The following DGKH variants were observed in gnomAD, a reference collection of about 807,000 sequenced individuals.
The protein encoded by DGKH is DAG kinase eta.
DGKH carries 90 observed loss-of-function variants against 159.3 expected under a neutral mutation model. The observed-to-expected ratio is 0.57, with a 90% CI of 0.48 to 0.67. The LOEUF is 0.67. Among genes scored for constraint, DGKH ranks in the 30% least tolerant of loss-of-function variants. The pLI, the probability that DGKH is intolerant of heterozygous loss-of-function variation, is 0.00. For missense variants in DGKH, 1,181 were observed against 1,506.1 expected (o/e 0.78, Z 3.57); for synonymous variants, 536 against 553.8 (o/e 0.97, Z 0.45).
At chr13:42,215,158 GT>G (rs201405435) in intron 25 of DGKH, among the ~76,000 whole-genome samples, 108 of 147,442 alleles carry the variant, frequency 7.3e-4, no homozygotes, top group East Asian at 2.6e-3. Context: ...AACTGATAGC[GT>G]TTTTTTTTTT....
At chr13:42,065,897 A>C (rs979110233) in intron 1 of DGKH, among the ~76,000 whole-genome samples, 1 of 152,182 alleles carries the variant, frequency 6.6e-6, no homozygotes, top group African/African-American at 2.4e-5. Flanking sequence ...ATAAAACATT[A>C]AAATTATTAT....
At position 42,146,548 on chromosome 13, in the gene DGKH, A is replaced by T. The variant is rs572354927; in HGVS notation, c.385-8743A>T. 4.6e-5 allele frequency among the ~76,000 whole-genome samples: 7 copies of T among 152,362 alleles called. No homozygotes were observed. The South Asian group carries it at 1.0e-3, about 23-fold the overall frequency. ...AGAGACCCGTTGGAGTAGATTGTGA[A>T]ATATATCATGCAATGGAATGTTATG... On this transcript the variant is annotated intron_variant, in intron 3 of 29. Coordinates refer to ENST00000337343, the MANE Select transcript of DGKH (RefSeq NM_178009.5).
At position 42,189,318 on chromosome 13, in the gene DGKH, T is replaced by C. The variant is rs1460969194; in HGVS notation, c.1912+9T>C. On this transcript the variant is annotated intron_variant, in intron 15 of 29. Coordinates refer to ENST00000337343, the MANE Select transcript of DGKH (RefSeq NM_178009.5). ...TGAGGAAGCCGGAAAAGGTACACAT[T>C]AACAAATTTAGCTTTGGAAGAAGTT... 1.2e-6 allele frequency: 2 copies of C among 1,612,902 alleles called. No individual in the cohort carries two copies. Among genetic ancestry groups the C allele is most frequent in the Non-Finnish European group, 1.7e-6 (2 of 1,179,072 alleles).
intron 29 of DGKH, among the ~76,000 whole-genome samples, chr13:42,223,986 C>T (rs1958054027): frequency 6.6e-6 from 1 of 152,160 alleles, no homozygotes; most frequent in African/African-American, 2.4e-5. Flanking sequence ...TGAGTGAGAA[C>T]ATGCAATGTT....
chr13:42,125,048 A>G (rs1955143829), intron 1 of DGKH, among the ~76,000 whole-genome samples: 1 of 152,180 alleles, frequency 6.6e-6, no homozygotes, highest in African/African-American at 2.4e-5. Context: ...CGTGGCTGCC[A>G]TTTGAATCGC....
At chr13:42,116,974 G>T (rs1447440576) in intron 1 of DGKH, among the ~76,000 whole-genome samples, 1 of 152,006 alleles carries the variant, frequency 6.6e-6, no homozygotes, top group Non-Finnish European at 1.5e-5. Flanking sequence ...TTTAAACTAG[G>T]TTATTGGATT....
chr13:42,155,939 A>C (rs987111818), intron 5 of DGKH, 140 bp downstream of exon 5: 5 of 1,014,590 alleles, frequency 4.9e-6, no homozygotes, highest in African/African-American at 3.2e-5. Flanking sequence ...GGAAAAAAAA[A>C]CATAGTCATT....
At chr13:42,244,765 G>A (rs1413105830), downstream of DGKH, among the ~76,000 whole-genome samples, 1 of 150,632 alleles carries the variant, frequency 6.6e-6, no homozygotes, top group African/African-American at 2.4e-5. Flanking sequence ...TTAGCCGGGC[G>A]TAGTGGCGGG....
intron 1 of DGKH, among the ~76,000 whole-genome samples, chr13:42,096,693 A>G (rs1954544592): frequency 6.6e-6 from 1 of 152,246 alleles, no homozygotes; most frequent in African/African-American, 2.4e-5. Context: ...TGGAATTGGC[A>G]AAGATGAATA....
At chr13:42,182,643 AAAC>A (rs1171703410) in intron 13 of DGKH, among the ~76,000 whole-genome samples, 1 of 152,234 alleles carries the variant, frequency 6.6e-6, no homozygotes, top group Non-Finnish European at 1.5e-5. Flanking sequence ...AGTGTAGACA[AAAC>A]AATCTGTTTT....
rs138779168 is a variant in DGKH at position 42,064,468 on chromosome 13, C to T, written c.192+15503C>T. On this transcript the variant is annotated intron_variant, in intron 1 of 29. Coordinates refer to ENST00000337343, the MANE Select transcript of DGKH (RefSeq NM_178009.5). ...GGAGGACAGGGTCAAACCACTGTTG[C>T]GGTTTGTCTGTGTGTGCCAGGAAAA... 7.2e-3 allele frequency among the ~76,000 whole-genome samples: 1,095 copies of T among 151,964 alleles called. 11 individuals are homozygous for T. The highest frequency in any genetic ancestry group is 0.025 in the African/African-American group (1,048 of 41,428).
chr13:42,044,585 G>A (rs1213459280), upstream of DGKH, among the ~76,000 whole-genome samples: 2 of 152,114 alleles, frequency 1.3e-5, no homozygotes, highest in African/African-American at 2.4e-5. Context: ...CACTGCGCCC[G>A]CCCCAGCACT....
chr13:42,134,393 C>T (rs568142905), intron 3 of DGKH, among the ~76,000 whole-genome samples: 2 of 152,312 alleles, frequency 1.3e-5, no homozygotes, highest in African/African-American at 4.8e-5. Flanking sequence ...ACTCCCATCT[C>T]TGGAGTTAAT....
At chr13:42,215,741 G>A (rs1957774483) in intron 26 of DGKH, 74 bp downstream of exon 26, 3 of 1,329,288 alleles carry the variant, frequency 2.3e-6, no homozygotes, top group Non-Finnish European at 3.1e-6. Flanking sequence ...TGGGGAACAG[G>A]CATTTGGCAG....
At chr13:42,166,450 ATGTT>A (rs1956317550) in intron 8 of DGKH, 61 bp from the exon 9 acceptor site, 1 of 1,311,918 alleles carries the variant, frequency 7.6e-7, no homozygotes, top group Admixed American at 2.9e-5. Context: ...TTTTCTCTGA[ATGTT>A]TGCTAATAAT....
chr13:42,226,833 A>G (rs1667560), intron 29 of DGKH, among the ~76,000 whole-genome samples: 145,521 of 150,852 alleles, frequency 0.96, 70,238 homozygotes, highest in East Asian at 1. Flanking sequence ...CTCCAGCCCA[A>G]GCGACAGTAT....
chr13:42,065,387 A>C (rs935577293), intron 1 of DGKH, among the ~76,000 whole-genome samples: 1 of 152,222 alleles, frequency 6.6e-6, no homozygotes, highest in Non-Finnish European at 1.5e-5. Context: ...CTACCTTATC[A>C]TCATTCATGG....
chr13:42,244,858 C>T (rs1345330549), downstream of DGKH, among the ~76,000 whole-genome samples: 3 of 126,118 alleles, frequency 2.4e-5, no homozygotes, highest in African/African-American at 9.1e-5. Flanking sequence ...GAGCCGAGAT[C>T]CCGCCACTGC....
intron 1 of DGKH, chr13:42,068,811 A>G: frequency 2.2e-6 from 1 of 444,814 alleles, no homozygotes; most frequent in Non-Finnish European, 3.9e-6. Context: ...AAAACCAAGT[A>G]CTCATAAAAT....
Sources: allele counts gnomAD v4.1 joint callset (sites outside exome capture counted in the v4.1 genomes callset), GRCh38; gene constraint gnomAD v4.1.1; transcripts MANE v1.5; gene names NCBI Gene and HGNC (gene_info 2026-07-23, HGNC 2026-07-21).